Variants in AK2 observed in about 807,000 individuals in gnomAD.
AK2 encodes adenylate kinase 2, mitochondrial.
AK2 carries 15 observed loss-of-function variants against 24.6 expected under a neutral mutation model. The ratio of observed to expected loss-of-function variants is 0.61; its 90% CI spans 0.41 to 0.94. The LOEUF (loss-of-function observed/expected upper bound fraction) is 0.94. Among genes scored for constraint, AK2 ranks in the 40% least tolerant of loss-of-function variants. The pLI is 0.00. For synonymous variants in AK2, 102 were observed against 114.0 expected, an observed-to-expected ratio of 0.90 and a Z score of 0.67; for missense variants, 257 against 304.1, an observed-to-expected ratio of 0.85 and a Z score of 1.15.
Position 33,013,122 on chromosome 1 carries a change from C to T in AK2, c.*59G>A. 2 of 1,613,638 alleles carry T rather than the reference C, an allele frequency of 1.2e-6. No individual in the cohort carries two copies. The highest frequency in any genetic ancestry group is 1.1e-5 in the South Asian group (1 of 90,784). ...CTGAGGAAGCTTCTCTTTGCCTGTCCTATCATTCCCACCCATTGCCTCACA... is the reference window on the plus strand; with the variant it reads ...CTGAGGAAGCTTCTCTTTGCCTGTCTTATCATTCCCACCCATTGCCTCACA... On this transcript the variant is annotated 3_prime_UTR_variant, in exon 6 of 6. Coordinates refer to ENST00000672715, the MANE Select transcript of AK2 (RefSeq NM_001625.4).
Position 33,036,835 on chromosome 1 carries a change from C to T in AK2, c.-7G>A, listed in dbSNP as rs1437672458. 10 of 1,584,608 alleles carry T rather than the reference C, an allele frequency of 6.3e-6. No homozygotes were observed. The highest frequency in any genetic ancestry group is 2.7e-5 in the African/African-American group (2 of 74,422). On this transcript the variant is annotated 5_prime_UTR_variant, in exon 1 of 6. Transcript: ENST00000672715. ...CTGGCACGCTGGGAGCCATGTCCGCCGAAGTCTCTCACTGCCACCAGTTCG... is the reference window on the plus strand; with the variant it reads ...CTGGCACGCTGGGAGCCATGTCCGCTGAAGTCTCTCACTGCCACCAGTTCG...
chr1:33,018,136 A>G (rs1358768021), intron 4 of AK2, among the ~76,000 whole-genome samples: 2 of 152,182 alleles, frequency 1.3e-5, no homozygotes, highest in Admixed American at 1.3e-4. Context: ...TTAAGATAAT[A>G]CCGGAGAGCC....
Position 33,016,939 on chromosome 1 carries a change from T to G in AK2, c.426-2345A>C, listed in dbSNP as rs111741897. ...CCAGGCTGGTCTCGAACTCCTGACC[T>G]CGTGATCCACCCACCTCGGCCTCCC... is the stretch of plus-strand genomic sequence containing the variant. On this transcript the variant is annotated intron_variant, in intron 4 of 5. Coordinates refer to ENST00000672715, the MANE Select transcript of AK2 (RefSeq NM_001625.4). Among the ~76,000 whole-genome samples the G allele has an allele frequency of 5.9e-5, 9 of 151,968 alleles. 2 individuals carry two copies. The highest frequency in any genetic ancestry group is 1.9e-4 in the African/African-American group (8 of 41,434).
Position 33,012,368 on chromosome 1 carries a change from G to A in AK2, c.*813C>T. On this transcript the variant is annotated 3_prime_UTR_variant, in exon 6 of 6. Coordinates refer to ENST00000672715, the MANE Select transcript of AK2 (RefSeq NM_001625.4). Reference sequence around the variant, plus strand: ...TAGGGGGAAAAAATTAATGATCCCTGTTCACACACTGACTCACGTGGGTTT... The same window carrying A: ...TAGGGGGAAAAAATTAATGATCCCTATTCACACACTGACTCACGTGGGTTT... The A allele has an allele frequency of 2.0e-6, 3 of 1,525,048 alleles. No individual in the cohort carries two copies. The highest frequency in any genetic ancestry group is 2.6e-6 in the Non-Finnish European group (3 of 1,141,922). 94.5% of individuals were successfully genotyped at this position (1,525,048 alleles called of 1,614,324 possible).
chr1:33,008,152 C>T lies in AK2; in HGVS notation c.*5029G>A, dbSNP rs1638590199. 4.4e-6 allele frequency: 2 copies of T among 453,962 alleles called. No homozygotes were observed. The highest frequency in any genetic ancestry group is 2.4e-5 in the Admixed American group (1 of 42,528). The allele number at this position is 453,962 out of a possible 1,614,324, so 28.1% of individuals were successfully genotyped here. A position where few individuals can be genotyped will look rare whatever the true frequency, so the allele number is the denominator to read the frequency against. ...ATGCCTACATTTTCCCTCTGAATTC[C>T]ATCTGTGTTTACTAAGCATCTGCTG... On this transcript the variant is annotated 3_prime_UTR_variant, in exon 6 of 6. Transcript: ENST00000672715.
chr1:33,011,782 C>A lies in AK2; in HGVS notation c.*1399G>T, dbSNP rs1296105375. 2 of 1,447,958 alleles carry A rather than the reference C, an allele frequency of 1.4e-6. No homozygotes were observed. Among genetic ancestry groups the A allele is most frequent in the Admixed American group, 2.1e-5 (1 of 48,446 alleles). The allele number at this position is 1,447,958 out of a possible 1,614,324, so 89.7% of individuals were successfully genotyped here. On this transcript the variant is annotated 3_prime_UTR_variant, in exon 6 of 6. Coordinates refer to ENST00000672715, the MANE Select transcript of AK2 (RefSeq NM_001625.4). ...TAGAAAATGCTCAATAGTTGGGAAG[C>A]TAAGGTTATGAATAAAAGCTGGTAA...
At position 33,010,712 on chromosome 1, in the gene AK2, C is replaced by T. The variant is rs779182726; in HGVS notation, c.*2469G>A. The T allele has an allele frequency of 3.8e-5, 62 of 1,611,910 alleles. No homozygotes were observed. The highest frequency in any genetic ancestry group is 3.8e-5 in the Non-Finnish European group (45 of 1,178,922). ...TCCAAGTATTCCTCTGAGCCCCTCA[C>T]CAGCCCTCCCTCACCATCCTCACCC... On this transcript the variant is annotated 3_prime_UTR_variant, in exon 6 of 6. Transcript: ENST00000672715.
At chr1:33,034,014 C>T (rs1640414297) in intron 1 of AK2, among the ~76,000 whole-genome samples, 1 of 152,176 alleles carries the variant, frequency 6.6e-6, no homozygotes, top group Non-Finnish European at 1.5e-5. Flanking sequence ...GCTGGGACTA[C>T]AGGCACACAC....
intron 4 of AK2, among the ~76,000 whole-genome samples, chr1:33,019,015 G>A (rs1390998476): frequency 1.3e-5 from 2 of 152,124 alleles, no homozygotes; most frequent in South Asian, 2.1e-4. Flanking sequence ...CTGCCCCCCA[G>A]ACCACTGGGC....
At chr1:33,033,329 T>C (rs2124387724) in intron 1 of AK2, among the ~76,000 whole-genome samples, 1 of 152,142 alleles carries the variant, frequency 6.6e-6, no homozygotes, top group South Asian at 2.1e-4. Context: ...AAGACCAGCC[T>C]GAGCAACATG....
intron 4 of AK2, among the ~76,000 whole-genome samples, chr1:33,019,400 T>C (rs1391321584): frequency 1.3e-5 from 2 of 152,172 alleles, no homozygotes; most frequent in Non-Finnish European, 2.9e-5. Context: ...GCTTAGTGCC[T>C]AAGAGACCCC....
chr1:33,016,009 T>C (rs551172908), intron 4 of AK2, among the ~76,000 whole-genome samples: 1 of 152,252 alleles, frequency 6.6e-6, no homozygotes, highest in Non-Finnish European at 1.5e-5. Flanking sequence ...AGATGGTCCA[T>C]TTGGCATAAA....
At chr1:33,022,145 C>T (rs1056985878) in intron 2 of AK2, among the ~76,000 whole-genome samples, 3 of 152,070 alleles carry the variant, frequency 2.0e-5, no homozygotes, top group Non-Finnish European at 1.5e-5. Flanking sequence ...TGAGAGAGTG[C>T]CAGGAGAGAA....
chr1:33,012,912 A>G lies in AK2; in HGVS notation c.*269T>C. 6.4e-6 allele frequency: 9 copies of G among 1,416,560 alleles called. No homozygotes were observed. Among genetic ancestry groups the G allele is most frequent in the Non-Finnish European group, 8.4e-6 (9 of 1,071,324 alleles). 87.7% of individuals were successfully genotyped at this position (1,416,560 alleles called of 1,614,324 possible). A position where few individuals can be genotyped will look rare whatever the true frequency, so the allele number is the denominator to read the frequency against. The stretch of plus-strand genomic sequence containing the variant: ...AACCTTGTCTCAAAACAACAACAAA[A>G]AAGAAGTAAACAGCTGGTAAAGCAA... On this transcript the variant is annotated 3_prime_UTR_variant, in exon 6 of 6. Transcript: ENST00000672715.
Position 33,012,732 on chromosome 1 carries a change from AC to A in AK2, c.*448del. On this transcript the variant is annotated 3_prime_UTR_variant, in exon 6 of 6. Coordinates refer to ENST00000672715, the MANE Select transcript of AK2 (RefSeq NM_001625.4). ...GGCAACTTGGCAAAATCCTGTCTCT[AC>A]AAAAAATACAAATATCAGCCAGGTG... 9.9e-7 allele frequency: 1 copy of A among 1,008,524 alleles called. No homozygotes were observed. The highest frequency in any genetic ancestry group is 1.4e-6 in the Non-Finnish European group (1 of 735,064). 62.5% of individuals were successfully genotyped at this position (1,008,524 alleles called of 1,614,324 possible).
At chr1:33,022,526 T>C (rs1038497945) in intron 2 of AK2, among the ~76,000 whole-genome samples, 1 of 151,892 alleles carries the variant, frequency 6.6e-6, no homozygotes, top group Non-Finnish European at 1.5e-5. Context: ...CAGCTAATTT[T>C]TTGTATTTTT....
rs1260785563 is a variant in AK2, at chr1:33,011,770, A to G, written c.*1411T>C. Reference sequence around the variant, plus strand: ...CAGCAGGGACCTTAGAAAATGCTCAATAGTTGGGAAGCTAAGGTTATGAAT... The same window carrying G: ...CAGCAGGGACCTTAGAAAATGCTCAGTAGTTGGGAAGCTAAGGTTATGAAT... On this transcript the variant is annotated 3_prime_UTR_variant, in exon 6 of 6. Transcript: ENST00000672715. 5.3e-5 allele frequency: 76 copies of G among 1,424,108 alleles called. No individual in the cohort carries two copies. The highest frequency in any genetic ancestry group is 5.5e-5 in the Non-Finnish European group (59 of 1,077,660). The allele number at this position is 1,424,108 out of a possible 1,614,324, so 88.2% of individuals were successfully genotyped here.
intron 1 of AK2, chr1:33,032,451 A>G (rs1432904615): frequency 6.6e-6 from 1 of 152,248 alleles, no homozygotes; most frequent in Non-Finnish European, 1.5e-5. Flanking sequence ...AAAGAGAATA[A>G]ATCAAGCATT....
At position 33,013,256 on chromosome 1, in the gene AK2, G is replaced by T; in HGVS notation, c.645C>A (p.Thr215=). ...GGATGCTTGCGAACACGACATCGGG[G>T]GTCTGGGATGCATCGATGGCGGAGT... ...GIHSAIDASQ[T]PDVVFASILA... The change falls in exon 6 of 6, where the codon ACC becomes ACA. Residue 215 remains threonine, a synonymous_variant. Coordinates refer to ENST00000672715, the MANE Select transcript of AK2 (RefSeq NM_001625.4). 6.2e-7 allele frequency: 1 copy of T among 1,613,800 alleles called. No homozygotes were observed.
Sources: gnomAD v4.1 joint callset for allele counts (sites outside exome capture counted in the v4.1 genomes callset) on GRCh38, gnomAD v4.1.1 for gene constraint, MANE v1.5 for transcripts, NCBI Gene and HGNC (gene_info 2026-07-23, HGNC 2026-07-21) for gene names.